The following MUC7 variants were observed in gnomAD, a reference collection of about 807,000 sequenced individuals.
MUC7 encodes mucin-7.
MUC7 carries 2 observed loss-of-function variants against 2.5 expected under a neutral mutation model. The observed-to-expected ratio is 0.81, with a 90% confidence interval of 0.33 to 2.55. The LOEUF (loss-of-function observed/expected upper bound fraction) is 2.55. MUC7 is among the 30% of genes most tolerant of loss of function. The probability of loss-of-function intolerance (pLI) is 0.11; values close to 1 mark genes in which losing one functional copy is unlikely to be tolerated. For missense variants in MUC7, 408 were observed against 455.6 expected, an observed-to-expected ratio of 0.90 and a Z score of 0.95; for synonymous variants, 133 against 173.4, an observed-to-expected ratio of 0.77 and a Z score of 1.83.
intron 2 of MUC7, among the ~76,000 whole-genome samples, chr4:70,474,331 G>A (rs1291610739): frequency 6.6e-5 from 10 of 152,034 alleles, no homozygotes; most frequent in African/African-American, 2.4e-4. Flanking sequence ...GTAACATAAT[G>A]AGACAGTATC....
At chr4:70,466,500 A>G (rs11941881) in intron 1 of MUC7, among the ~76,000 whole-genome samples, 53,745 of 151,848 alleles carry the variant, frequency 0.35, 10,082 homozygotes, top group East Asian at 0.59. Context: ...TCAGTGTGCT[A>G]TATTCAGGAG....
At chr4:70,464,777 C>T (rs1734641056) in intron 1 of MUC7, among the ~76,000 whole-genome samples, 2 of 152,214 alleles carry the variant, frequency 1.3e-5, no homozygotes, top group Non-Finnish European at 2.9e-5. Context: ...ACTCCCCACT[C>T]CCTGGGACAA....
At chr4:70,469,727 A>G (rs1358504133), upstream of MUC7, among the ~76,000 whole-genome samples, 6 of 152,258 alleles carry the variant, frequency 3.9e-5, no homozygotes, top group Non-Finnish European at 4.4e-5. Context: ...CAAGCCAGTT[A>G]GAATAGCAAT....
chr4:70,462,071 A>C (rs900736349), intron 1 of MUC7, among the ~76,000 whole-genome samples: 5 of 152,124 alleles, frequency 3.3e-5, no homozygotes, highest in African/African-American at 1.2e-4. Context: ...AAAAGTAGCC[A>C]CTCAGGTGGC....
intron 1 of MUC7, among the ~76,000 whole-genome samples, chr4:70,450,008 C>G (rs139089122): frequency 6.6e-6 from 1 of 152,250 alleles, no homozygotes; most frequent in Non-Finnish European, 1.5e-5. Flanking sequence ...GGTGGCAAAG[C>G]CAGCCAGGCC....
At chr4:70,478,583 C>T (rs1270355396) in intron 2 of MUC7, among the ~76,000 whole-genome samples, 1 of 152,196 alleles carries the variant, frequency 6.6e-6, no homozygotes, top group Non-Finnish European at 1.5e-5. Context: ...GCCAAACCTC[C>T]ACTGCTGGTC....
chr4:70,454,028 A>T (rs2109718327), intron 1 of MUC7, among the ~76,000 whole-genome samples: 1 of 151,870 alleles, frequency 6.6e-6, no homozygotes, highest in South Asian at 2.1e-4. Context: ...TACAAGACAA[A>T]ATCCTCTTTA....
At chr4:70,432,882 A>C (rs1288014332) in intron 1 of MUC7, among the ~76,000 whole-genome samples, 2 of 152,176 alleles carry the variant, frequency 1.3e-5, no homozygotes, top group Non-Finnish European at 2.9e-5. Flanking sequence ...GTAAGTCTTT[A>C]ATCCATCTTG....
Position 70,482,071 on chromosome 4 carries a change from A to C in MUC7, c.*193A>C. 1 of 678,360 alleles carries C rather than the reference A, an allele frequency of 1.5e-6. No homozygotes were observed. Among genetic ancestry groups the C allele is most frequent in the East Asian group, 2.9e-5 (1 of 35,064 alleles). The allele number at this position is 678,360 out of a possible 1,614,324, so 42.0% of individuals were successfully genotyped here. ...CAAGACAAAATGCCTCTATCCCACA[A>C]GCCAGATGCAGGTCTGGGGTTCAAA... On this transcript the variant is annotated 3_prime_UTR_variant, in exon 3 of 3. Coordinates refer to ENST00000304887, the MANE Select transcript of MUC7 (RefSeq NM_152291.3).
chr4:70,446,608 T>A (rs1734145964), intron 1 of MUC7, among the ~76,000 whole-genome samples: 1 of 152,212 alleles, frequency 6.6e-6, no homozygotes, highest in Non-Finnish European at 1.5e-5. Flanking sequence ...TTAACTTGAT[T>A]ACATCTGCAA....
chr4:70,443,836 T>C (rs1191597075), intron 1 of MUC7, among the ~76,000 whole-genome samples: 1 of 152,216 alleles, frequency 6.6e-6, no homozygotes, highest in Non-Finnish European at 1.5e-5. Flanking sequence ...CTAAACTGTC[T>C]TTCACACAGG....
upstream of MUC7, among the ~76,000 whole-genome samples, chr4:70,471,191 ATTC>A (rs1462913840): frequency 7.9e-5 from 12 of 152,192 alleles, no homozygotes; most frequent in Admixed American, 7.2e-4. Flanking sequence ...TATTAAAATG[ATTC>A]TTAAGTTCTT....
chr4:70,453,420 C>T (rs1037689212), intron 1 of MUC7, among the ~76,000 whole-genome samples: 1 of 152,222 alleles, frequency 6.6e-6, no homozygotes, highest in Non-Finnish European at 1.5e-5. Flanking sequence ...CCACCACAGG[C>T]TCATGAATAG....
chr4:70,442,778 CTTT>C (rs1456413813), intron 1 of MUC7, among the ~76,000 whole-genome samples: 1 of 152,162 alleles, frequency 6.6e-6, no homozygotes, highest in Non-Finnish European at 1.5e-5. Context: ...TTTCATTTTT[CTTT>C]TTGCAGTCAA....
intron 1 of MUC7, among the ~76,000 whole-genome samples, chr4:70,440,128 C>A (rs1016147763): frequency 6.6e-6 from 1 of 152,070 alleles, no homozygotes; most frequent in Non-Finnish European, 1.5e-5. Flanking sequence ...AAATAATATT[C>A]AGCATAGGTT....
chr4:70,478,105 A>G (rs1735058411), intron 2 of MUC7, among the ~76,000 whole-genome samples: 2 of 152,228 alleles, frequency 1.3e-5, no homozygotes, highest in Non-Finnish European at 2.9e-5. Flanking sequence ...TGGTCATTTG[A>G]TACATGTTCC....
At chr4:70,441,657 A>T (rs893618583) in intron 1 of MUC7, among the ~76,000 whole-genome samples, 5 of 152,224 alleles carry the variant, frequency 3.3e-5, no homozygotes, top group Non-Finnish European at 7.3e-5. Context: ...ATTGAGAAGG[A>T]TGGATTTGCA....
upstream of MUC7, among the ~76,000 whole-genome samples, chr4:70,469,284 G>A (rs1734767784): frequency 6.6e-6 from 1 of 152,074 alleles, no homozygotes; most frequent in Non-Finnish European, 1.5e-5. Context: ...TTAAATGTAA[G>A]ACCTAAAACC....
At chr4:70,448,276 A>C (rs1734192747) in intron 1 of MUC7, among the ~76,000 whole-genome samples, 1 of 152,154 alleles carries the variant, frequency 6.6e-6, no homozygotes, top group African/African-American at 2.4e-5. Context: ...TTGATATATT[A>C]ATTACCTTTC....
Sources: gnomAD v4.1 joint callset for allele counts (sites outside exome capture counted in the v4.1 genomes callset) on GRCh38, gnomAD v4.1.1 for gene constraint, MANE v1.5 for transcripts, NCBI Gene and HGNC (gene_info 2026-07-23, HGNC 2026-07-21) for gene names.